Variants in KCTD16 observed in about 807,000 individuals in gnomAD.
KCTD16 encodes BTB/POZ domain-containing protein KCTD16.
In KCTD16, 13 loss-of-function variants were observed where a neutral mutation model predicts 33.2. The observed-to-expected ratio is 0.39, with a 90% CI of 0.25 to 0.62. KCTD16 has a LOEUF of 0.62. Ranked by LOEUF, KCTD16 falls within the 20% of genes least tolerant of loss-of-function variation. The pLI, the probability that KCTD16 is intolerant of heterozygous loss-of-function variation, is 0.50. For synonymous variants in KCTD16, 197 were observed against 195.3 expected (o/e 1.01, Z -0.07); for missense variants, 441 against 525.1 (o/e 0.84, Z 1.57).
At chr5:144,218,436 GA>G (rs1211559154) in intron 3 of KCTD16, among the ~76,000 whole-genome samples, 1 of 152,092 alleles carries the variant, frequency 6.6e-6, no homozygotes, top group East Asian at 1.9e-4. Flanking sequence ...GGAGGCTTAG[GA>G]AAACTTTAAG....
In KCTD16 at chr5:144,484,600, G is replaced by A. The variant is rs747457783; in HGVS notation, c.*10486G>A. ...GAAATTTCAAGTGCATCTGACCAGG[G>A]ATTATCAAGCTCCTTGTGACATCTG... On this transcript the variant is annotated 3_prime_UTR_variant, in exon 4 of 4. Transcript: ENST00000512467. The A allele has an allele frequency of 9.2e-5, 14 of 151,984 alleles. No homozygotes were observed. Among genetic ancestry groups the A allele is most frequent in the Non-Finnish European group, 1.6e-4 (11 of 67,944 alleles). 9.4% of individuals were successfully genotyped at this position (151,984 alleles called of 1,614,324 possible).
intron 3 of KCTD16, among the ~76,000 whole-genome samples, chr5:144,390,932 T>C (rs1752435287): frequency 6.6e-6 from 1 of 152,154 alleles, no homozygotes; most frequent in Non-Finnish European, 1.5e-5. Flanking sequence ...ATCTAGGGCA[T>C]GAATGTGATA....
At chr5:144,418,072 T>C (rs766458528) in intron 3 of KCTD16, among the ~76,000 whole-genome samples, 1 of 152,164 alleles carries the variant, frequency 6.6e-6, no homozygotes, top group East Asian at 1.9e-4. Context: ...ATTACAGCTC[T>C]TAAAGGTGGT....
intron 3 of KCTD16, among the ~76,000 whole-genome samples, chr5:144,473,293 A>G (rs1754518891): frequency 6.6e-6 from 1 of 152,202 alleles, no homozygotes; most frequent in Non-Finnish European, 1.5e-5. Context: ...CTATAACTCC[A>G]GATAGTAGGA....
rs114368195 is a variant in KCTD16 at position 144,176,274 on chromosome 5, G to C, written c.-327+1802G>C. The stretch of plus-strand genomic sequence containing the variant: ...AAAACACAGAATTTATCAGGAGACA[G>C]AGCATAAGATGATTTATATTGTGGA... On this transcript the variant is annotated intron_variant, in intron 2 of 3. Coordinates refer to ENST00000512467, the MANE Select transcript of KCTD16 (RefSeq NM_020768.4). Among the ~76,000 whole-genome samples the C allele has an allele frequency of 5.8e-4, 88 of 151,498 alleles. 2 individuals are homozygous for C. Among genetic ancestry groups the C allele is most frequent in the African/African-American group, 1.8e-3 (75 of 41,344 alleles).
chr5:144,243,187 C>T (rs1561540731), intron 3 of KCTD16, among the ~76,000 whole-genome samples: 1 of 152,098 alleles, frequency 6.6e-6, no homozygotes, highest in Non-Finnish European at 1.5e-5. Flanking sequence ...ATTAATGTGA[C>T]TTATTACTTT....
intron 3 of KCTD16, among the ~76,000 whole-genome samples, chr5:144,352,432 A>G (rs1015064537): frequency 6.6e-6 from 1 of 151,714 alleles, no homozygotes; most frequent in Non-Finnish European, 1.5e-5. Context: ...GTCAGCTAAT[A>G]CTCCTCCCAC....
At position 144,234,619 on chromosome 5, in the gene KCTD16, C is replaced by T. The variant is rs1305882011; in HGVS notation, c.832+27073C>T. 6.6e-5 allele frequency among the ~76,000 whole-genome samples: 10 copies of T among 151,990 alleles called. No homozygotes were observed. In the South Asian group the frequency reaches 1.0e-3, roughly 16 times the overall value. The stretch of plus-strand genomic sequence containing the variant: ...CAGCTTTATGAGGCCGGATAAATCA[C>T]GGGACAAACTGAGTCTCAGATTTTC... On this transcript the variant is annotated intron_variant, in intron 3 of 3. Coordinates refer to ENST00000512467, the MANE Select transcript of KCTD16 (RefSeq NM_020768.4).
At chr5:144,316,887 G>A (rs1245699013) in intron 3 of KCTD16, among the ~76,000 whole-genome samples, 1 of 143,786 alleles carries the variant, frequency 7.0e-6, no homozygotes, top group African/African-American at 2.6e-5. Context: ...GAGTGCAATG[G>A]TGTGATCTCG....
chr5:144,293,529 C>T (rs530417363), intron 3 of KCTD16, among the ~76,000 whole-genome samples: 60 of 152,254 alleles, frequency 3.9e-4, no homozygotes, highest in African/African-American at 1.3e-3. Flanking sequence ...CTGACCATAT[C>T]CATTGCTGAA....
chr5:144,195,950 A>C (rs1049243488), intron 2 of KCTD16, among the ~76,000 whole-genome samples: 1 of 152,168 alleles, frequency 6.6e-6, no homozygotes. Flanking sequence ...CCTGTGTGCC[A>C]GTTGTCTCCA....
intron 3 of KCTD16, among the ~76,000 whole-genome samples, chr5:144,368,130 G>A (rs1270112687): frequency 2.0e-5 from 3 of 151,852 alleles, no homozygotes; most frequent in African/African-American, 4.8e-5. Context: ...ATAATTAAGC[G>A]AGAGTAACTC....
At chr5:144,304,998 T>G (rs1361877831) in intron 3 of KCTD16, among the ~76,000 whole-genome samples, 2 of 150,334 alleles carry the variant, frequency 1.3e-5, no homozygotes, top group African/African-American at 4.9e-5. Flanking sequence ...TTTTTTTTTT[T>G]TTTCTGAGTT....
intron 3 of KCTD16, among the ~76,000 whole-genome samples, chr5:144,305,269 G>A (rs1751569781): frequency 6.6e-6 from 1 of 152,078 alleles, no homozygotes; most frequent in Admixed American, 6.5e-5. Context: ...TTGATAGGAA[G>A]ATCTACCAGC....
At chr5:144,351,750 A>G (rs866498985) in intron 3 of KCTD16, among the ~76,000 whole-genome samples, 14 of 152,350 alleles carry the variant, frequency 9.2e-5, no homozygotes, top group Admixed American at 3.3e-4. Context: ...TGTCATTTGC[A>G]ACAACATGAA....
At chr5:144,359,485 C>A (rs1751654459) in intron 3 of KCTD16, among the ~76,000 whole-genome samples, 2 of 151,976 alleles carry the variant, frequency 1.3e-5, no homozygotes, top group African/African-American at 2.4e-5. Context: ...TCTTATTATA[C>A]TAATAAGAAG....
chr5:144,297,112 A>G (rs1333960062), intron 3 of KCTD16, among the ~76,000 whole-genome samples: 2 of 152,240 alleles, frequency 1.3e-5, no homozygotes, highest in African/African-American at 4.8e-5. Flanking sequence ...GGAAGATGCT[A>G]TTAGATGTAT....
intron 3 of KCTD16, among the ~76,000 whole-genome samples, chr5:144,310,935 A>C (rs10051700): frequency 0.25 from 38,186 of 152,046 alleles, 4,952 homozygotes; most frequent in Non-Finnish European, 0.28. Context: ...CCGCAGTGCT[A>C]AGGTTCACTC....
At chr5:144,283,579 T>C (rs1016114305) in intron 3 of KCTD16, among the ~76,000 whole-genome samples, 3 of 152,198 alleles carry the variant, frequency 2.0e-5, no homozygotes, top group Admixed American at 6.5e-5. Context: ...TAAACAAATA[T>C]AACGGATAAA....
Sources: gnomAD v4.1 joint callset for allele counts (sites outside exome capture counted in the v4.1 genomes callset) on GRCh38, gnomAD v4.1.1 for gene constraint, MANE v1.5 for transcripts, NCBI Gene and HGNC (gene_info 2026-07-23, HGNC 2026-07-21) for gene names.